RBFOX1: variants seen among roughly 807,000 people sequenced by gnomAD.
RBFOX1 encodes RNA binding protein fox-1 homolog 1.
Under a neutral mutation model 57.7 loss-of-function variants are expected in RBFOX1, and 8 were observed. The ratio of observed to expected loss-of-function variants is 0.14; its 90% confidence interval spans 0.08 to 0.25. RBFOX1 has a LOEUF of 0.25. RBFOX1 is among the 10% of genes least tolerant of loss of function. The probability of loss-of-function intolerance (pLI) is 1.00; values close to 1 mark genes in which losing one functional copy is unlikely to be tolerated. For synonymous variants in RBFOX1, 326 were observed against 222.4 expected, an observed-to-expected ratio of 1.47 and a Z score of -4.15; for missense variants, 611 against 548.5, an observed-to-expected ratio of 1.11 and a Z score of -1.14.
intron 10 of RBFOX1, among the ~76,000 whole-genome samples, chr16:7,620,486 T>C (rs2059142232): frequency 6.6e-6 from 1 of 152,206 alleles, no homozygotes; most frequent in Non-Finnish European, 1.5e-5. Flanking sequence ...ATTTCAATCT[T>C]GCAAGTAGGA....
chr16:7,451,326 T>C (rs950853037), intron 4 of RBFOX1, among the ~76,000 whole-genome samples: 2 of 152,232 alleles, frequency 1.3e-5, no homozygotes, highest in Admixed American at 6.5e-5. Context: ...CTTTCTTGCA[T>C]TGAATGCAAA....
At chr16:6,429,318 C>G (rs949811511) in intron 2 of RBFOX1, among the ~76,000 whole-genome samples, 2 of 152,236 alleles carry the variant, frequency 1.3e-5, no homozygotes, top group Non-Finnish European at 2.9e-5. Context: ...CAGCTCCCCA[C>G]CACTGCTGCT....
intron 4 of RBFOX1, among the ~76,000 whole-genome samples, chr16:7,260,764 A>C (rs1038455279): frequency 4.6e-5 from 7 of 152,170 alleles, no homozygotes; most frequent in African/African-American, 1.7e-4. Context: ...ACACACAGGG[A>C]CTGATTCCCT....
At chr16:5,682,687 T>C (rs368765107) in intron 3 of RBFOX1, among the ~76,000 whole-genome samples, 21 of 152,276 alleles carry the variant, frequency 1.4e-4, no homozygotes, top group African/African-American at 4.6e-4. Context: ...AAAGCTCAGG[T>C]TTTATCCAAG....
chr16:7,635,897 A>G (rs1326887214), intron 11 of RBFOX1, among the ~76,000 whole-genome samples: 1 of 151,814 alleles, frequency 6.6e-6, no homozygotes, highest in Non-Finnish European at 1.5e-5. Flanking sequence ...TGCAAACTCC[A>G]CCTCCTGGGT....
intron 2 of RBFOX1, among the ~76,000 whole-genome samples, chr16:5,476,240 ACAT>A (rs2151632589): frequency 6.6e-6 from 1 of 152,282 alleles, no homozygotes; most frequent in East Asian, 1.9e-4. Context: ...ATATCGCAAA[ACAT>A]CATGTCATAT....
At chr16:6,189,992 G>T (rs1163953106) in intron 1 of RBFOX1, among the ~76,000 whole-genome samples, 1 of 152,118 alleles carries the variant, frequency 6.6e-6, no homozygotes, top group East Asian at 1.9e-4. Flanking sequence ...TTCATAGTTT[G>T]AGGTCTTAGA....
chr16:5,255,322 T>TTCCATCCATCCATCCA (rs3041858), intron 1 of RBFOX1, among the ~76,000 whole-genome samples: 2 of 119,370 alleles, frequency 1.7e-5, no homozygotes, highest in South Asian at 2.8e-4. Context: ...CCACACTTCC[T>TTCCATCCATCCATCCA]TCCATCCATC....
At chr16:5,546,912 A>T (rs1390106972) in intron 2 of RBFOX1, among the ~76,000 whole-genome samples, 1 of 152,186 alleles carries the variant, frequency 6.6e-6, no homozygotes, top group Non-Finnish European at 1.5e-5. Context: ...ACTCGATAAT[A>T]AGACAATACC....
intron 2 of RBFOX1, among the ~76,000 whole-genome samples, chr16:5,566,528 T>C (rs1382947319): frequency 6.6e-6 from 1 of 152,028 alleles, no homozygotes; most frequent in African/African-American, 2.4e-5. Flanking sequence ...CTGATTTTTC[T>C]TGTAACTTGC....
intron 3 of RBFOX1, among the ~76,000 whole-genome samples, chr16:6,808,013 T>C (rs574507485): frequency 2.7e-5 from 4 of 150,692 alleles, no homozygotes; most frequent in African/African-American, 9.7e-5. Flanking sequence ...CTATATATAA[T>C]ATGCAAATTA....
At chr16:6,020,209 C>T (rs1042800063) in intron 1 of RBFOX1, among the ~76,000 whole-genome samples, 6 of 151,928 alleles carry the variant, frequency 3.9e-5, no homozygotes, top group Non-Finnish European at 1.5e-5. Flanking sequence ...CCCCCTTGTG[C>T]GTCGCTTCCA....
chr16:7,237,349 AT>A (rs1034495933), intron 4 of RBFOX1, among the ~76,000 whole-genome samples: 1 of 152,206 alleles, frequency 6.6e-6, no homozygotes, highest in African/African-American at 2.4e-5. Context: ...GATTTTGGCC[AT>A]GCCCTTAATT....
chr16:5,520,729 T>A (rs1244041098), intron 2 of RBFOX1, among the ~76,000 whole-genome samples: 2 of 152,228 alleles, frequency 1.3e-5, no homozygotes, highest in African/African-American at 4.8e-5. Flanking sequence ...AGGAACATAC[T>A]TCCCCTCTTT....
At chr16:6,479,287 C>T (rs190406520) in intron 2 of RBFOX1, among the ~76,000 whole-genome samples, 8 of 152,218 alleles carry the variant, frequency 5.3e-5, no homozygotes, top group East Asian at 1.9e-4. Context: ...TCTTACATGG[C>T]GGCAGGTGAG....
At chr16:7,052,915 G>A (rs1363390762) in intron 4 of RBFOX1, among the ~76,000 whole-genome samples, 3 of 152,178 alleles carry the variant, frequency 2.0e-5, no homozygotes, top group Non-Finnish European at 4.4e-5. Flanking sequence ...ACTGGACAAT[G>A]TGCCTTATAG....
At chr16:7,052,153 A>T in intron 4 of RBFOX1, 55 bp downstream of exon 4, 1 of 1,573,594 alleles carries the variant, frequency 6.4e-7, no homozygotes, top group Non-Finnish European at 8.6e-7. Flanking sequence ...TGTGATAAGC[A>T]AAAATTTCCT....
chr16:6,949,618 C>A (rs2080279428), intron 3 of RBFOX1, among the ~76,000 whole-genome samples: 1 of 152,116 alleles, frequency 6.6e-6, no homozygotes, highest in Admixed American at 6.5e-5. Context: ...ATATCTCTTT[C>A]TCTTTTTCTA....
At chr16:6,998,148 C>G (rs558267798) in intron 3 of RBFOX1, among the ~76,000 whole-genome samples, 2 of 151,860 alleles carry the variant, frequency 1.3e-5, no homozygotes. Flanking sequence ...TATTTATTTA[C>G]TTATTGAGTG....
Sources: allele counts gnomAD v4.1 joint callset (sites outside exome capture counted in the v4.1 genomes callset), GRCh38; gene constraint gnomAD v4.1.1; transcripts MANE v1.5; gene names NCBI Gene and HGNC (gene_info 2026-07-23, HGNC 2026-07-21).